The following LRP1B variants were observed in gnomAD, a reference collection of about 807,000 sequenced individuals.
LRP1B encodes the protein LDL receptor related protein 1B.
Under a neutral mutation model 556.6 loss-of-function variants are expected in LRP1B, and 217 were observed. The observed-to-expected ratio is 0.39, with a 90% CI of 0.35 to 0.44. The LOEUF (loss-of-function observed/expected upper bound fraction) is 0.44, where lower values mean the gene tolerates loss of function less well. LRP1B is among the 20% of genes least tolerant of loss of function. The pLI is 1.00. For synonymous variants in LRP1B, 2,047 were observed against 1,865.8 expected (o/e 1.10, Z -2.50); for missense variants, 5,053 against 5,620.8 (o/e 0.90, Z 3.23).
chr2:141,513,370 ATGAC>A (rs1425033756), intron 2 of LRP1B, among the ~76,000 whole-genome samples: 1 of 152,086 alleles, frequency 6.6e-6, no homozygotes, highest in Non-Finnish European at 1.5e-5. Context: ...TTCTAAATGA[ATGAC>A]TGTGAAAGAT....
intron 11 of LRP1B, among the ~76,000 whole-genome samples, chr2:141,037,514 TC>T (rs1302020953): frequency 6.6e-6 from 1 of 152,002 alleles, no homozygotes; most frequent in East Asian, 1.9e-4. Flanking sequence ...ATGTCTCACT[TC>T]TGGCTCACAC....
intron 2 of LRP1B, among the ~76,000 whole-genome samples, chr2:141,557,010 T>C (rs1685982864): frequency 6.6e-6 from 1 of 151,812 alleles, no homozygotes. Flanking sequence ...AATATTTACA[T>C]TGATAGTCAC....
intron 32 of LRP1B, among the ~76,000 whole-genome samples, chr2:140,784,238 T>A (rs1689806569): frequency 1.3e-5 from 2 of 152,070 alleles, no homozygotes; most frequent in Admixed American, 1.3e-4. Context: ...AAATTAGACC[T>A]CAGTCCCCTA....
chr2:141,355,252 T>C (rs1249681418), intron 3 of LRP1B, among the ~76,000 whole-genome samples: 1 of 151,998 alleles, frequency 6.6e-6, no homozygotes, highest in Non-Finnish European at 1.5e-5. Flanking sequence ...GCACATTATT[T>C]TCAAATGTAA....
At chr2:140,792,147 AC>A in intron 32 of LRP1B, among the ~76,000 whole-genome samples, 1 of 151,698 alleles carries the variant, frequency 6.6e-6, no homozygotes, top group Middle Eastern at 3.4e-3. Context: ...TCAAGCCCAA[AC>A]CCCCTTCCCT....
intron 21 of LRP1B, among the ~76,000 whole-genome samples, chr2:140,908,392 A>ATATATAT (rs1559188021): frequency 1.4e-5 from 2 of 145,262 alleles, no homozygotes; most frequent in South Asian, 2.1e-4. Flanking sequence ...ATATATATAT[A>ATATATAT]AAAAGAAGGT....
In LRP1B at chr2:140,510,038, G is replaced by A. The variant is rs2104917608; in HGVS notation, c.8288C>T (p.Ala2763Val). The change falls in exon 52 of 91, where the codon GCT (alanine) becomes GTT (valine). Residue 2763 changes from alanine to valine, a missense_variant. Ala to Val is a moderately conservative substitution (Grantham distance 64, BLOSUM62 0). Coordinates refer to ENST00000389484, the MANE Select transcript of LRP1B (RefSeq NM_018557.3). ...AGAGCCCTGGCAGCTGAACATGTCA[G>A]CAGCACAGGTTATGGCACCTGAAAC... ...DSICGAITCAADMFSCQGSRA... is the reference protein window; with the variant it reads ...DSICGAITCAVDMFSCQGSRA... The A allele has an allele frequency of 6.2e-7, 1 of 1,613,830 alleles. No individual in the cohort carries two copies. The highest frequency in any genetic ancestry group is 8.5e-7 in the Non-Finnish European group (1 of 1,179,988).
At chr2:141,908,649 C>A (rs112367483) in intron 1 of LRP1B, among the ~76,000 whole-genome samples, 2 of 151,978 alleles carry the variant, frequency 1.3e-5, no homozygotes, top group African/African-American at 4.8e-5. Context: ...GACCTCATTA[C>A]ATAAATATAT....
chr2:140,365,265 CAAAG>C (rs1421314836), intron 71 of LRP1B, among the ~76,000 whole-genome samples: 3 of 151,366 alleles, frequency 2.0e-5, no homozygotes, highest in African/African-American at 4.8e-5. Flanking sequence ...TTTGCAAACA[CAAAG>C]AAACGATTTT....
At chr2:142,068,584 T>G (rs1354886388) in intron 1 of LRP1B, among the ~76,000 whole-genome samples, 1 of 151,504 alleles carries the variant, frequency 6.6e-6, no homozygotes, top group Non-Finnish European at 1.5e-5. Flanking sequence ...TGATGATATT[T>G]TTTTTCACAA....
intron 2 of LRP1B, among the ~76,000 whole-genome samples, chr2:141,629,441 G>A (rs1356757369): frequency 6.6e-6 from 1 of 152,056 alleles, no homozygotes; most frequent in African/African-American, 2.4e-5. Flanking sequence ...CATTTCTTAA[G>A]TATTAAACTC....
chr2:141,025,463 G>C (rs989561188), intron 11 of LRP1B, among the ~76,000 whole-genome samples: 1 of 152,084 alleles, frequency 6.6e-6, no homozygotes. Flanking sequence ...TGCTGTAAAG[G>C]TATGTTTTAG....
At chr2:141,182,481 T>A (rs1322327158) in intron 7 of LRP1B, among the ~76,000 whole-genome samples, 2 of 151,968 alleles carry the variant, frequency 1.3e-5, no homozygotes, top group East Asian at 3.9e-4. Context: ...GAACCTAGGT[T>A]GTTTCAAATA....
At chr2:141,760,992 T>A (rs1416597276) in intron 2 of LRP1B, among the ~76,000 whole-genome samples, 3 of 152,210 alleles carry the variant, frequency 2.0e-5, no homozygotes, top group South Asian at 2.1e-4. Context: ...GTTTAGCACC[T>A]CTGTTCTTTT....
chr2:140,969,389 C>T (rs907871528), intron 18 of LRP1B, among the ~76,000 whole-genome samples: 4 of 152,126 alleles, frequency 2.6e-5, no homozygotes, highest in Non-Finnish European at 5.9e-5. Context: ...GGTAGATCTT[C>T]CTCCATCCCT....
At chr2:141,529,643 T>A (rs907174524) in intron 2 of LRP1B, among the ~76,000 whole-genome samples, 14 of 152,158 alleles carry the variant, frequency 9.2e-5, no homozygotes, top group Admixed American at 9.2e-4. Flanking sequence ...TTCTGTAAAT[T>A]TTCTATTTAC....
intron 72 of LRP1B, among the ~76,000 whole-genome samples, chr2:140,361,382 C>CGTATAT (rs1682508138): frequency 2.3e-5 from 1 of 43,750 alleles, no homozygotes; most frequent in African/African-American, 7.6e-5. Context: ...ATATATATAA[C>CGTATAT]AAAAATAAGT....
At chr2:141,322,297 A>T (rs1242874553) in intron 3 of LRP1B, among the ~76,000 whole-genome samples, 1 of 152,034 alleles carries the variant, frequency 6.6e-6, no homozygotes, top group Non-Finnish European at 1.5e-5. Context: ...ACTATAGCAA[A>T]TACTAAGTCA....
intron 2 of LRP1B, among the ~76,000 whole-genome samples, chr2:141,717,988 C>A (rs1416746798): frequency 6.6e-6 from 1 of 152,120 alleles, no homozygotes; most frequent in African/African-American, 2.4e-5. Flanking sequence ...CATTTGTAGC[C>A]CTCCCAGGGC....
Sources: gnomAD v4.1 joint callset for allele counts (sites outside exome capture counted in the v4.1 genomes callset) on GRCh38, gnomAD v4.1.1 for gene constraint, MANE v1.5 for transcripts, NCBI Gene and HGNC (gene_info 2026-07-23, HGNC 2026-07-21) for gene names.